Variants in CREG1 observed in about 807,000 individuals in gnomAD.
CREG1 encodes protein CREG1.
CREG1 carries 20 observed loss-of-function variants against 19.9 expected under a neutral mutation model. The ratio of observed to expected loss-of-function variants is 1.01; its 90% CI spans 0.71 to 1.46. The LOEUF (loss-of-function observed/expected upper bound fraction) is 1.46, where lower values mean the gene tolerates loss of function less well. CREG1 is among the 40% of genes most tolerant of loss of function. The probability of loss-of-function intolerance (pLI) is 0.00; values close to 1 mark genes in which losing one functional copy is unlikely to be tolerated. For synonymous variants in CREG1, 141 were observed against 143.3 expected (o/e 0.98, Z 0.12); for missense variants, 290 against 314.9 (o/e 0.92, Z 0.60).
At chr1:167,543,613 C>T (rs1571624232) in intron 3 of CREG1, among the ~76,000 whole-genome samples, 2 of 152,164 alleles carry the variant, frequency 1.3e-5, no homozygotes, top group Admixed American at 6.6e-5. Context: ...GTACACTCCC[C>T]GGACTATTAA....
At chr1:167,546,409 C>T (rs1656323773) in intron 2 of CREG1, 124 bp from the exon 3 acceptor site, 1 of 594,442 alleles carries the variant, frequency 1.7e-6, no homozygotes, top group Admixed American at 3.6e-5. Flanking sequence ...TTTGGAAGGC[C>T]AAGGCGGGCG....
intron 1 of CREG1, 61 bp downstream of exon 1, chr1:167,553,327 G>C: frequency 8.2e-7 from 1 of 1,225,352 alleles, no homozygotes; most frequent in Non-Finnish European, 1.1e-6. Flanking sequence ...GGAGAGTGAA[G>C]GCTCGCTCTG....
At position 167,546,297 on chromosome 1, in the gene CREG1, A is replaced by G; in HGVS notation, c.475-12T>C. On this transcript the variant is annotated splice_polypyrimidine_tract_variant and intron_variant, in intron 2 of 3. Coordinates refer to ENST00000370509, the MANE Select transcript of CREG1 (RefSeq NM_003851.3). ...TCTGTTTCATTCACCTAAAGGACATATATGAAATAAACATTCTTATGGCAG... is the reference window on the plus strand; with the variant it reads ...TCTGTTTCATTCACCTAAAGGACATGTATGAAATAAACATTCTTATGGCAG... 6.5e-7 allele frequency: 1 copy of G among 1,529,358 alleles called. No homozygotes were observed. The highest frequency in any genetic ancestry group is 8.9e-7 in the Non-Finnish European group (1 of 1,122,012). 94.7% of individuals were successfully genotyped at this position (1,529,358 alleles called of 1,614,324 possible).
chr1:167,547,438 T>C (rs1656348100), intron 2 of CREG1, among the ~76,000 whole-genome samples: 1 of 152,216 alleles, frequency 6.6e-6, no homozygotes, highest in Admixed American at 6.5e-5. Flanking sequence ...TAACTTTATA[T>C]ACAGGAGCTT....
intron 3 of CREG1, among the ~76,000 whole-genome samples, chr1:167,543,867 A>G (rs940373601): frequency 6.6e-6 from 1 of 152,252 alleles, no homozygotes; most frequent in Non-Finnish European, 1.5e-5. Context: ...TCAGCATAAT[A>G]AAGTGGGAAC....
chr1:167,544,318 A>T (rs79148025), intron 3 of CREG1, among the ~76,000 whole-genome samples: 1 of 151,142 alleles, frequency 6.6e-6, no homozygotes, highest in Non-Finnish European at 1.5e-5. Flanking sequence ...GCTTGGAATT[A>T]AAAAAAATTA....
In CREG1 at chr1:167,553,737, G is replaced by A. The variant is rs567288314; in HGVS notation, c.5C>T (p.Ala2Val). The A allele has an allele frequency of 2.3e-6, 3 of 1,281,906 alleles. No homozygotes were observed. Among genetic ancestry groups the A allele is most frequent in the South Asian group, 2.6e-5 (1 of 38,578 alleles). 79.4% of individuals were successfully genotyped at this position (1,281,906 alleles called of 1,614,324 possible). ...GCGCGCGGACCCGCGGGATAGCCCG[G>A]CCATGGCGGTGTCTCCAGGAAGAGT... Reference protein sequence around the residue: MAGLSRGSARAL... With the variant: MVGLSRGSARAL... The change falls in exon 1 of 4, where the codon GCC becomes GTC. Residue 2 changes from alanine to valine, a missense_variant. Physicochemically the swap from Ala to Val is moderately conservative, Grantham distance 64. Transcript: ENST00000370509.
At chr1:167,544,284 A>G (rs1656279741) in intron 3 of CREG1, among the ~76,000 whole-genome samples, 1 of 152,094 alleles carries the variant, frequency 6.6e-6, no homozygotes, top group African/African-American at 2.4e-5. Context: ...CACCTGCTCT[A>G]TGACACACAC....
intron 3 of CREG1, among the ~76,000 whole-genome samples, chr1:167,544,340 A>G (rs1001365205): frequency 8.1e-6 from 1 of 123,952 alleles, no homozygotes; most frequent in Non-Finnish European, 1.8e-5. Flanking sequence ...AAACAAAACA[A>G]AACTGAGATT....
chr1:167,549,170 C>G (rs1285307377), intron 1 of CREG1, among the ~76,000 whole-genome samples: 1 of 152,132 alleles, frequency 6.6e-6, no homozygotes, highest in Non-Finnish European at 1.5e-5. Context: ...ACCAAGAAAC[C>G]TGATTTGCTG....
chr1:167,553,290 C>T (rs1234130379), intron 1 of CREG1, 98 bp downstream of exon 1: 3 of 990,362 alleles, frequency 3.0e-6, no homozygotes, highest in East Asian at 6.6e-5. Flanking sequence ...GTTCGAGCCA[C>T]GCTCCACTTC....
chr1:167,545,236 G>GAA (rs1656296983), intron 3 of CREG1, among the ~76,000 whole-genome samples: 4 of 152,128 alleles, frequency 2.6e-5, no homozygotes, highest in Non-Finnish European at 5.9e-5. Flanking sequence ...TCATAACTGG[G>GAA]CTCTGTTCAG....
chr1:167,547,731 G>A (rs1313275986), intron 2 of CREG1, among the ~76,000 whole-genome samples: 4 of 152,076 alleles, frequency 2.6e-5, no homozygotes, highest in African/African-American at 9.7e-5. Context: ...GACCAGCCTG[G>A]CCAACATGGT....
At chr1:167,544,355 A>G (rs1656283076) in intron 3 of CREG1, among the ~76,000 whole-genome samples, 1 of 127,318 alleles carries the variant, frequency 7.9e-6, no homozygotes, top group African/African-American at 2.6e-5. Flanking sequence ...GAGATTTCCA[A>G]TCATGGTAGG....
At chr1:167,551,942 T>C (rs971238291) in intron 1 of CREG1, among the ~76,000 whole-genome samples, 2 of 152,236 alleles carry the variant, frequency 1.3e-5, no homozygotes, top group African/African-American at 4.8e-5. Flanking sequence ...AGGCCCACAG[T>C]GTCACTGGAT....
rs1656238243 is a variant in CREG1, at chr1:167,542,164, G to GCAAA, written c.*130_*133dup. The GCAAA allele has an allele frequency of 4.2e-6, 3 of 706,938 alleles. No individual in the cohort carries two copies. Among genetic ancestry groups the GCAAA allele is most frequent in the Non-Finnish European group, 6.6e-6 (3 of 452,454 alleles). 43.8% of individuals were successfully genotyped at this position (706,938 alleles called of 1,614,324 possible). A position where few individuals can be genotyped will look rare whatever the true frequency, so the allele number is the denominator to read the frequency against. On this transcript the variant is annotated 3_prime_UTR_variant, in exon 4 of 4. Transcript: ENST00000370509. Reference sequence around the variant, plus strand: ...GGTAAACAAGCAAGTAAACAAGCAAGCAAACAAACCAGCATGTGACAGAAA... The same window carrying GCAAA: ...GGTAAACAAGCAAGTAAACAAGCAAGCAAACAAACAAACCAGCATGTGACAGAAA...
At chr1:167,548,281 G>C (rs1174683582) in intron 1 of CREG1, among the ~76,000 whole-genome samples, 160 bp from the exon 2 acceptor site, 2 of 152,162 alleles carry the variant, frequency 1.3e-5, no homozygotes, top group Non-Finnish European at 2.9e-5. Context: ...AATAATACTT[G>C]GAAAGTATCC....
At chr1:167,551,453 CCTGT>C (rs754590755) in intron 1 of CREG1, among the ~76,000 whole-genome samples, 27 of 152,236 alleles carry the variant, frequency 1.8e-4, no homozygotes, top group East Asian at 5.8e-4. Context: ...TTGCCACTGC[CCTGT>C]CTATTTCTAG....
rs1468496568 is a variant in CREG1 at position 167,542,139 on chromosome 1, GGTAAACAAGCAA to G, written c.*147_*158del. ...AATCCAATAACAGGTCAACTCTATT[GGTAAACAAGCAA>G]GTAAACAAGCAAGCAAACAAACCAG... On this transcript the variant is annotated 3_prime_UTR_variant, in exon 4 of 4. Coordinates refer to ENST00000370509, the MANE Select transcript of CREG1 (RefSeq NM_003851.3). 4 of 589,412 alleles carry G rather than the reference GGTAAACAAGCAA, an allele frequency of 6.8e-6. No individual in the cohort carries two copies. The highest frequency in any genetic ancestry group is 6.1e-5 in the East Asian group (2 of 32,714). 36.5% of individuals were successfully genotyped at this position (589,412 alleles called of 1,614,324 possible).
Sources: gnomAD v4.1 joint callset for allele counts (sites outside exome capture counted in the v4.1 genomes callset) on GRCh38, gnomAD v4.1.1 for gene constraint, MANE v1.5 for transcripts, NCBI Gene and HGNC (gene_info 2026-07-23, HGNC 2026-07-21) for gene names.